ERG: variants seen among roughly 807,000 people sequenced by gnomAD.
ERG encodes ETS transcription factor ERG.
Under a neutral mutation model 55.3 loss-of-function variants are expected in ERG, and 9 were observed. That is an observed-to-expected ratio of 0.16 (90% CI 0.10 to 0.28). The LOEUF (loss-of-function observed/expected upper bound fraction) is 0.28. Among genes scored for constraint, ERG ranks in the 10% least tolerant of loss-of-function variants. ERG has a pLI of 1.00. For synonymous variants in ERG, 223 were observed against 237.3 expected, an observed-to-expected ratio of 0.94 and a Z score of 0.55; for missense variants, 434 against 631.6, an observed-to-expected ratio of 0.69 and a Z score of 3.35.
chr21:38,640,793 G>A (rs954776675), intron 1 of ERG, among the ~76,000 whole-genome samples: 27 of 152,170 alleles, frequency 1.8e-4, no homozygotes, highest in African/African-American at 1.9e-4. Flanking sequence ...TCATGAAAAC[G>A]CAGTGATGTA....
In ERG at chr21:38,445,387, G is replaced by A; in HGVS notation, c.236+17C>T. 1 of 1,596,568 alleles carries A rather than the reference G, an allele frequency of 6.3e-7. No individual in the cohort carries two copies. The highest frequency in any genetic ancestry group is 2.2e-5 in the East Asian group (1 of 44,758). On this transcript the variant is annotated intron_variant, in intron 2 of 9. Coordinates refer to ENST00000288319, the MANE Select transcript of ERG (RefSeq NM_182918.4). ...AAATGGGAGGTCAGGGAGAGAAAGG[G>A]GCGGAAGTCTCCTTACCTTGAGCCA...
chr21:38,384,067 G>A, intron 9 of ERG, 144 bp from the exon 10 acceptor site: 1 of 1,174,014 alleles, frequency 8.5e-7, no homozygotes, highest in South Asian at 1.6e-5. Context: ...CTCAGCTGCA[G>A]GGGTGCGGAC....
chr21:38,533,667 GT>G (rs1017054803), intron 2 of ERG, among the ~76,000 whole-genome samples: 2 of 152,156 alleles, frequency 1.3e-5, no homozygotes, highest in African/African-American at 4.8e-5. Flanking sequence ...TATATCATGT[GT>G]TTTTCATTTG....
At chr21:38,477,007 C>CTTTTTTTTTTTTT (rs397867221) in intron 1 of ERG, among the ~76,000 whole-genome samples, 2 of 84,156 alleles carry the variant, frequency 2.4e-5, no homozygotes, top group Non-Finnish European at 4.2e-5. Flanking sequence ...TCTTTCTTTC[C>CTTTTTTTTTTTTT]TTTTTTTTTT....
chr21:38,618,215 C>A (rs2060270001), intron 1 of ERG, among the ~76,000 whole-genome samples: 1 of 152,168 alleles, frequency 6.6e-6, no homozygotes, highest in Non-Finnish European at 1.5e-5. Flanking sequence ...AGGAGCAAGA[C>A]CATCCTGTTA....
intron 1 of ERG, among the ~76,000 whole-genome samples, chr21:38,490,570 G>T (rs2059326754): frequency 6.6e-6 from 1 of 152,180 alleles, no homozygotes; most frequent in Non-Finnish European, 1.5e-5. Context: ...CATTTCCCCT[G>T]CCCACTGCAC....
At chr21:38,377,821 C>G (rs1029080339), downstream of ERG, among the ~76,000 whole-genome samples, 3 of 152,204 alleles carry the variant, frequency 2.0e-5, no homozygotes, top group South Asian at 6.2e-4. Flanking sequence ...GACACTCTTT[C>G]AGCTGATGCA....
At chr21:38,567,905 G>T (rs1006572949) in intron 2 of ERG, among the ~76,000 whole-genome samples, 1 of 152,178 alleles carries the variant, frequency 6.6e-6, no homozygotes, top group Non-Finnish European at 1.5e-5. Flanking sequence ...CGCACAGAAC[G>T]CTGCTACTTC....
intron 9 of ERG, among the ~76,000 whole-genome samples, chr21:38,384,184 G>A (rs758271293): frequency 2.6e-5 from 4 of 152,208 alleles, no homozygotes; most frequent in Non-Finnish European, 4.4e-5. Flanking sequence ...GACTGAACGG[G>A]GTACCACGGG....
intron 2 of ERG, among the ~76,000 whole-genome samples, chr21:38,531,448 AG>A (rs1314200206): frequency 1.3e-5 from 2 of 152,184 alleles, no homozygotes; most frequent in Non-Finnish European, 2.9e-5. Flanking sequence ...ACTTTGAAGA[AG>A]GGTCTGTGTA....
intron 2 of ERG, among the ~76,000 whole-genome samples, chr21:38,530,335 C>A (rs1355505281): frequency 6.6e-6 from 1 of 152,168 alleles, no homozygotes; most frequent in East Asian, 1.9e-4. Context: ...GCCGGGATTG[C>A]AGAAGTGAGC....
chr21:38,400,367 C>A (rs1426685035), intron 6 of ERG: 6 of 678,980 alleles, frequency 8.8e-6, no homozygotes, highest in Non-Finnish European at 1.6e-5. Flanking sequence ...AAGGGCTAAT[C>A]TGCTCTTAAT....
At chr21:38,603,358 C>T (rs1040540497) in intron 1 of ERG, among the ~76,000 whole-genome samples, 4 of 152,038 alleles carry the variant, frequency 2.6e-5, no homozygotes, top group African/African-American at 2.4e-5. Context: ...CGGTGGCTCA[C>T]GCCTGTAATC....
At position 38,446,478 on chromosome 21, in the gene ERG, C is replaced by T. The variant is rs371178054; in HGVS notation, c.19-857G>A. 3.3e-5 allele frequency among the ~76,000 whole-genome samples: 5 copies of T among 152,222 alleles called. No homozygotes were observed. The South Asian group carries it at 8.3e-4, about 25-fold the overall frequency. ...TTTATATTCTACAGCCAATGAGCAA[C>T]GGCAAGTTTGGGAAATTTCAACGAC... On this transcript the variant is annotated intron_variant, in intron 1 of 9. Transcript: ENST00000288319.
intron 3 of ERG, among the ~76,000 whole-genome samples, chr21:38,406,154 CAAAAAAA>C (rs56711562): frequency 1.1e-5 from 1 of 95,076 alleles, no homozygotes; most frequent in Non-Finnish European, 2.0e-5. Flanking sequence ...GACTCCATCT[CAAAAAAA>C]AAAAAAAAAA....
chr21:38,452,323 G>T (rs184848585), intron 1 of ERG, among the ~76,000 whole-genome samples: 3 of 151,960 alleles, frequency 2.0e-5, no homozygotes, highest in African/African-American at 7.3e-5. Context: ...ACATACATGC[G>T]CAAATACATA....
chr21:38,389,003 C>T (rs1359041097), intron 9 of ERG, among the ~76,000 whole-genome samples: 1 of 152,212 alleles, frequency 6.6e-6, no homozygotes, highest in Non-Finnish European at 1.5e-5. Flanking sequence ...TGTGTGAGTG[C>T]AAAGGCCAGT....
At chr21:38,457,775 G>T (rs2059004034) in intron 1 of ERG, among the ~76,000 whole-genome samples, 1 of 152,164 alleles carries the variant, frequency 6.6e-6, no homozygotes. Flanking sequence ...CTGACCACCA[G>T]GCGCTGTGCA....
At chr21:38,651,207 C>T (rs766578663) in intron 1 of ERG, among the ~76,000 whole-genome samples, 2 of 152,196 alleles carry the variant, frequency 1.3e-5, no homozygotes, top group African/African-American at 2.4e-5. Context: ...AATGTAAAAA[C>T]TGCAGATCTA....
Sources: gnomAD v4.1 joint callset for allele counts (sites outside exome capture counted in the v4.1 genomes callset) on GRCh38, gnomAD v4.1.1 for gene constraint, MANE v1.5 for transcripts, NCBI Gene and HGNC (gene_info 2026-07-23, HGNC 2026-07-21) for gene names.